RCAN2: variants seen among roughly 807,000 people sequenced by gnomAD.
RCAN2 encodes the protein regulator of calcineurin 2, also known as calcipressin-2.
RCAN2 carries 9 observed loss-of-function variants against 23.6 expected under a neutral mutation model. The observed-to-expected ratio is 0.38, with a 90% confidence interval of 0.23 to 0.67. RCAN2 has a LOEUF of 0.67. Ranked by LOEUF, RCAN2 falls within the 30% of genes least tolerant of loss-of-function variation. The pLI, the probability that RCAN2 is intolerant of heterozygous loss-of-function variation, is 0.51. For missense variants in RCAN2, 273 were observed against 302.3 expected (o/e 0.90, Z 0.72); for synonymous variants, 109 against 115.7 (o/e 0.94, Z 0.37).
At chr6:46,450,438 A>G (rs1004121189) in intron 2 of RCAN2, among the ~76,000 whole-genome samples, 1 of 152,100 alleles carries the variant, frequency 6.6e-6, no homozygotes, top group Non-Finnish European at 1.5e-5. Flanking sequence ...CAATCCTACT[A>G]CTAGGTATAC....
At chr6:46,490,015 C>T (rs911294121) in intron 1 of RCAN2, among the ~76,000 whole-genome samples, 2 of 152,234 alleles carry the variant, frequency 1.3e-5, no homozygotes, top group African/African-American at 2.4e-5. Flanking sequence ...TCCAACTTCA[C>T]TGTGCCCCCA....
chr6:46,420,059 T>C (rs980405054), intron 2 of RCAN2, among the ~76,000 whole-genome samples: 1 of 152,166 alleles, frequency 6.6e-6, no homozygotes, highest in Non-Finnish European at 1.5e-5. Flanking sequence ...ACTTCATTAA[T>C]ATTTTTAAGT....
chr6:46,329,464 G>T (rs1483107886), intron 2 of RCAN2, among the ~76,000 whole-genome samples: 6 of 151,976 alleles, frequency 3.9e-5, no homozygotes, highest in African/African-American at 1.5e-4. Flanking sequence ...TGCCTATTCT[G>T]CTCCCTGCTT....
intron 2 of RCAN2, among the ~76,000 whole-genome samples, chr6:46,295,767 G>A (rs1444690541): frequency 6.6e-6 from 1 of 152,100 alleles, no homozygotes; most frequent in Admixed American, 6.6e-5. Flanking sequence ...TGCAAATTGA[G>A]AGGTTGGAGC....
chr6:46,461,527 C>T (rs1768204627), intron 1 of RCAN2, among the ~76,000 whole-genome samples: 1 of 151,886 alleles, frequency 6.6e-6, no homozygotes, highest in Admixed American at 6.5e-5. Context: ...GGAATACCTT[C>T]ATGCCAGTCT....
intron 2 of RCAN2, among the ~76,000 whole-genome samples, chr6:46,413,573 G>T (rs990289487): frequency 6.6e-6 from 1 of 152,126 alleles, no homozygotes; most frequent in Non-Finnish European, 1.5e-5. Context: ...AGAATTTTTG[G>T]GTTAAAATAA....
chr6:46,438,335 TAGGACTCAATAG>T (rs1767431193), intron 2 of RCAN2: 1 of 152,118 alleles, frequency 6.6e-6, no homozygotes, highest in Non-Finnish European at 1.5e-5. Context: ...CCCATGGCCA[TAGGACTCAATAG>T]GGCCACAAGG....
chr6:46,244,924 G>T (rs953094995), intron 4 of RCAN2, among the ~76,000 whole-genome samples: 1 of 152,224 alleles, frequency 6.6e-6, no homozygotes, highest in Non-Finnish European at 1.5e-5. Flanking sequence ...GCTGAAATTG[G>T]TCCATTTGGA....
intron 2 of RCAN2, among the ~76,000 whole-genome samples, chr6:46,405,795 A>T (rs2150405314): frequency 6.6e-6 from 1 of 152,268 alleles, no homozygotes; most frequent in Non-Finnish European, 1.5e-5. Context: ...GGTCCATGGG[A>T]CTGGGCGCCG....
chr6:46,365,498 G>GAAAAGAAAAGA (rs1554136584), intron 2 of RCAN2, among the ~76,000 whole-genome samples: 3 of 147,208 alleles, frequency 2.0e-5, no homozygotes, highest in Non-Finnish European at 4.4e-5. Flanking sequence ...GAAAAGAAAA[G>GAAAAGAAAAGA]AAAAGAAAAA....
At chr6:46,330,320 T>C (rs1763926943) in intron 2 of RCAN2, among the ~76,000 whole-genome samples, 1 of 152,208 alleles carries the variant, frequency 6.6e-6, no homozygotes, top group Non-Finnish European at 1.5e-5. Context: ...TGTATTTTAA[T>C]AAGCCCTCCA....
chr6:46,334,992 G>C (rs148779512), intron 2 of RCAN2, among the ~76,000 whole-genome samples: 50 of 152,330 alleles, frequency 3.3e-4, no homozygotes, highest in African/African-American at 1.2e-3. Flanking sequence ...AAAATAAAAA[G>C]GGTGTTTGCT....
intron 2 of RCAN2, among the ~76,000 whole-genome samples, chr6:46,423,105 G>A (rs536079378): frequency 1.3e-5 from 2 of 152,130 alleles, no homozygotes; most frequent in South Asian, 2.1e-4. Flanking sequence ...TGAAGGAGTG[G>A]GTCTAAGCAT....
chr6:46,262,866 C>T (rs1335470605), intron 2 of RCAN2, among the ~76,000 whole-genome samples: 1 of 152,144 alleles, frequency 6.6e-6, no homozygotes, highest in Non-Finnish European at 1.5e-5. Flanking sequence ...CCGCCAGTAA[C>T]AGCCTTTTCC....
intron 2 of RCAN2, among the ~76,000 whole-genome samples, chr6:46,420,544 C>CTTT (rs965214233): frequency 7.2e-6 from 1 of 138,554 alleles, no homozygotes; most frequent in Non-Finnish European, 1.6e-5. Context: ...TTCTGATTAA[C>CTTT]TTTTTTTTTT....
At chr6:46,405,676 C>T (rs1766378130) in intron 2 of RCAN2, among the ~76,000 whole-genome samples, 1 of 152,230 alleles carries the variant, frequency 6.6e-6, no homozygotes, top group Non-Finnish European at 1.5e-5. Flanking sequence ...CATGTCCCCA[C>T]CAGACTCAGG....
chr6:46,308,301 T>C (rs533333113), intron 2 of RCAN2, among the ~76,000 whole-genome samples: 1 of 152,322 alleles, frequency 6.6e-6, no homozygotes, highest in Non-Finnish European at 1.5e-5. Context: ...TCAATGTATG[T>C]TAGACATTAT....
intron 1 of RCAN2, among the ~76,000 whole-genome samples, chr6:46,474,634 C>A (rs986781501): frequency 1.3e-5 from 2 of 152,142 alleles, no homozygotes; most frequent in African/African-American, 4.8e-5. Flanking sequence ...TAGGAAAAAC[C>A]TCCTCACAAT....
intron 2 of RCAN2, among the ~76,000 whole-genome samples, chr6:46,304,191 A>G (rs1424169338): frequency 2.0e-5 from 3 of 152,062 alleles, no homozygotes; most frequent in Admixed American, 2.0e-4. Flanking sequence ...TTCCCTGATG[A>G]CTAATAGTTC....
Sources: gnomAD v4.1 joint callset for allele counts (sites outside exome capture counted in the v4.1 genomes callset) on GRCh38, gnomAD v4.1.1 for gene constraint, MANE v1.5 for transcripts, NCBI Gene and HGNC (gene_info 2026-07-23, HGNC 2026-07-21) for gene names.